ST7: variants seen among roughly 807,000 people sequenced by gnomAD.
ST7 encodes the protein suppression of tumorigenicity 7, also known as suppressor of tumorigenicity 7 protein.
In ST7, 28 loss-of-function variants were observed where a neutral mutation model predicts 78.7. That is an observed-to-expected ratio of 0.36 (90% CI 0.26 to 0.49). ST7 has a LOEUF of 0.49. ST7 is among the 20% of genes least tolerant of loss of function. The pLI is 0.99. For synonymous variants in ST7, 247 were observed against 249.6 expected, an observed-to-expected ratio of 0.99 and a Z score of 0.10; for missense variants, 418 against 696.0, an observed-to-expected ratio of 0.60 and a Z score of 4.49.
intron 1 of ST7, among the ~76,000 whole-genome samples, chr7:117,041,636 A>G (rs1353069355): frequency 6.6e-6 from 1 of 152,132 alleles, no homozygotes; most frequent in Non-Finnish European, 1.5e-5. Flanking sequence ...CTCTGCATAT[A>G]TGTATTCGCT....
intron 10 of ST7, among the ~76,000 whole-genome samples, chr7:117,182,012 T>C (rs1024472084): frequency 6.6e-6 from 1 of 152,206 alleles, no homozygotes; most frequent in African/African-American, 2.4e-5. Flanking sequence ...TGCAGACATA[T>C]CATTGCAGAC....
At chr7:117,107,203 A>G (rs954781395) in intron 2 of ST7, among the ~76,000 whole-genome samples, 25 of 152,106 alleles carry the variant, frequency 1.6e-4, no homozygotes, top group African/African-American at 5.8e-4. Context: ...TATTTTTGCT[A>G]TTGCAAATTG....
intron 6 of ST7, among the ~76,000 whole-genome samples, chr7:117,133,156 A>G (rs1446379694): frequency 2.0e-5 from 3 of 151,892 alleles, no homozygotes; most frequent in Non-Finnish European, 4.4e-5. Context: ...TTAATAATCC[A>G]TTAGAATATC....
rs902876293 is a variant in ST7, at chr7:117,010,495, A to T, written c.151+56804A>T. Among the ~76,000 whole-genome samples the T allele has an allele frequency of 2.6e-5, 4 of 152,220 alleles. No homozygotes were observed. The South Asian group carries it at 6.2e-4, about 24-fold the overall frequency. ...ACATGAAAAGGAAATGCTGATGCAG[A>T]TGCAGGCTGGAGTGGGTGGTAAGAG... On this transcript the variant is annotated intron_variant, in intron 1 of 15. Transcript: ENST00000323984.
chr7:117,115,644 G>A (rs1285667281), intron 2 of ST7, among the ~76,000 whole-genome samples: 3 of 152,096 alleles, frequency 2.0e-5, no homozygotes, highest in Non-Finnish European at 4.4e-5. Context: ...ATGAGCCACC[G>A]CGCCCAGCCG....
chr7:116,998,783 T>G (rs1354339494), intron 1 of ST7, among the ~76,000 whole-genome samples: 4 of 152,022 alleles, frequency 2.6e-5, no homozygotes, highest in African/African-American at 9.7e-5. Flanking sequence ...GAGTAAATAG[T>G]GGGAAGAAAC....
At chr7:116,989,042 T>TA (rs1794310446) in intron 1 of ST7, among the ~76,000 whole-genome samples, 1 of 152,158 alleles carries the variant, frequency 6.6e-6, no homozygotes, top group Non-Finnish European at 1.5e-5. Flanking sequence ...ATGAGCCACA[T>TA]ATGAAATTCT....
rs188550699 is a variant in ST7 at position 117,172,263 on chromosome 7, C to A, written c.1078+1287C>A. On this transcript the variant is annotated intron_variant, in intron 10 of 15. Coordinates refer to ENST00000323984, the MANE Select transcript of ST7 (RefSeq NM_001369598.1). Reference sequence around the variant, plus strand: ...CCTGGCCATTGGGTCTTATTTTTGACACATTTCTTCATAAGGAATCTCTGA... The same window carrying A: ...CCTGGCCATTGGGTCTTATTTTTGAAACATTTCTTCATAAGGAATCTCTGA... Among the ~76,000 whole-genome samples the A allele has an allele frequency of 2.2e-3, 328 of 152,294 alleles. 2 individuals carry two copies. Among genetic ancestry groups the A allele is most frequent in the African/African-American group, 7.6e-3 (315 of 41,560 alleles).
At chr7:116,965,561 A>G (rs1225330410) in intron 1 of ST7, among the ~76,000 whole-genome samples, 1 of 152,192 alleles carries the variant, frequency 6.6e-6, no homozygotes, top group Non-Finnish European at 1.5e-5. Flanking sequence ...CATGTATCCC[A>G]GAACTTAAAG....
At chr7:117,007,236 G>A (rs937731927) in intron 1 of ST7, among the ~76,000 whole-genome samples, 4 of 152,196 alleles carry the variant, frequency 2.6e-5, no homozygotes, top group Non-Finnish European at 5.9e-5. Context: ...GAAATGTAAA[G>A]TGCTACTCCA....
intron 1 of ST7, among the ~76,000 whole-genome samples, chr7:117,006,869 G>A (rs960758625): frequency 2.0e-5 from 3 of 152,164 alleles, no homozygotes; most frequent in Non-Finnish European, 4.4e-5. Flanking sequence ...GATCTTTGAT[G>A]TTAGTATTGT....
intron 1 of ST7, among the ~76,000 whole-genome samples, chr7:117,010,320 G>C (rs1444979142): frequency 6.6e-6 from 1 of 152,224 alleles, no homozygotes; most frequent in Non-Finnish European, 1.5e-5. Context: ...GGTCTTGGGA[G>C]TAGAGCCCAG....
At chr7:117,138,580 C>A (rs1372139541) in intron 9 of ST7, 48 bp downstream of exon 9, 1 of 1,345,250 alleles carries the variant, frequency 7.4e-7, no homozygotes, top group Non-Finnish European at 1.0e-6. Flanking sequence ...GATATAGGAG[C>A]CCGCTGAATG....
At chr7:116,994,585 A>C (rs1345334102) in intron 1 of ST7, among the ~76,000 whole-genome samples, 1 of 152,188 alleles carries the variant, frequency 6.6e-6, no homozygotes, top group African/African-American at 2.4e-5. Context: ...TATGTCTGGG[A>C]GGGTATAATT....
At chr7:117,087,560 A>C (rs1437798818) in intron 1 of ST7, among the ~76,000 whole-genome samples, 1 of 152,222 alleles carries the variant, frequency 6.6e-6, no homozygotes, top group African/African-American at 2.4e-5. Context: ...AGCAGAAAAA[A>C]GATATGAGTT....
intron 12 of ST7, among the ~76,000 whole-genome samples, chr7:117,193,841 T>C (rs1019911863): frequency 6.6e-6 from 1 of 152,210 alleles, no homozygotes; most frequent in Non-Finnish European, 1.5e-5. Context: ...AAATACCAAA[T>C]ATAATAACTG....
chr7:117,208,713 A>C (rs1792005231), intron 12 of ST7, among the ~76,000 whole-genome samples: 1 of 152,216 alleles, frequency 6.6e-6, no homozygotes, highest in Non-Finnish European at 1.5e-5. Context: ...ACTGTCTTTC[A>C]TAAACTTCCA....
At chr7:117,141,299 G>T (rs545359321) in intron 9 of ST7, among the ~76,000 whole-genome samples, 3 of 152,024 alleles carry the variant, frequency 2.0e-5, no homozygotes, top group South Asian at 4.1e-4. Context: ...ATCGTTTAAA[G>T]AAATTTCTCT....
At chr7:117,066,918 C>T (rs1798668317) in intron 1 of ST7, among the ~76,000 whole-genome samples, 2 of 151,990 alleles carry the variant, frequency 1.3e-5, no homozygotes, top group South Asian at 4.2e-4. Context: ...TTCCTCTCAC[C>T]ATTCTCTGGA....
Sources: allele counts gnomAD v4.1 joint callset (sites outside exome capture counted in the v4.1 genomes callset), GRCh38; gene constraint gnomAD v4.1.1; transcripts MANE v1.5; gene names NCBI Gene and HGNC (gene_info 2026-07-23, HGNC 2026-07-21).